The following VWF variants were observed in gnomAD, a reference collection of about 807,000 sequenced individuals.
VWF encodes von Willebrand factor.
A neutral mutation model predicts 308.6 loss-of-function variants in VWF; 176 were observed. That is an observed-to-expected ratio of 0.57 (90% CI 0.50 to 0.65). The LOEUF (loss-of-function observed/expected upper bound fraction) is 0.65, where lower values mean the gene tolerates loss of function less well. Among genes scored for constraint, VWF ranks in the 30% least tolerant of loss-of-function variants. The pLI is 0.00. For missense variants in VWF, 3,146 were observed against 3,648.2 expected (o/e 0.86, Z 3.55); for synonymous variants, 1,385 against 1,443.4 (o/e 0.96, Z 0.92).
intron 45 of VWF, 106 bp downstream of exon 45, chr12:5,969,105 C>T (rs1017306787): frequency 2.3e-6 from 3 of 1,307,430 alleles, no homozygotes; most frequent in African/African-American, 1.5e-5. Flanking sequence ...CGGTCCTATC[C>T]ATTTCCCTAA....
chr12:6,068,976 C>A (rs940480386), intron 10 of VWF, among the ~76,000 whole-genome samples: 1 of 151,816 alleles, frequency 6.6e-6, no homozygotes, highest in Admixed American at 6.6e-5. Context: ...CCCATCTCAG[C>A]CTCCCAAGTA....
At chr12:6,029,645 GC>G (rs1944236195) in intron 21 of VWF, among the ~76,000 whole-genome samples, 157 bp from the exon 22 acceptor site, 1 of 152,082 alleles carries the variant, frequency 6.6e-6, no homozygotes, top group African/African-American at 2.4e-5. Flanking sequence ...CCCCTGCAGG[GC>G]CAGCCCCACG....
chr12:6,051,534 TA>T (rs1944512267), intron 16 of VWF, among the ~76,000 whole-genome samples: 3 of 152,088 alleles, frequency 2.0e-5, no homozygotes, highest in Admixed American at 1.3e-4. Context: ...TCGGCCTCCC[TA>T]AGTGTTGGGA....
rs760760518 is a variant in VWF, at chr12:6,095,582, T to C, written c.535A>G (p.Thr179Ala). 10 of 1,614,152 alleles carry C rather than the reference T, an allele frequency of 6.2e-6. No homozygotes were observed. Among genetic ancestry groups the C allele is most frequent in the Non-Finnish European group, 8.5e-6 (10 of 1,180,016 alleles). The part of the protein sequence containing the change: ...AEDDFMTQEG[T>A]LTSDPYDFAN... ...AAGTCATAAGGGTCCGAGGTCAAGG[T>C]CCCTGTGGAGGAAAGTTTCAGGAAA... Residue 179 changes from threonine (T) to alanine (A), a missense_variant and splice_region_variant, in exon 6 of 52, where the codon ACC becomes GCC. This residue lies in a region of VWF where 1,304 missense variants were observed against 1,353.0 expected (regional missense o/e 0.96). Transcript: ENST00000261405.
rs1213673587 is a variant in VWF at position 6,016,622 on chromosome 12, A to G, written c.5205T>C (p.Tyr1735=). ...PRLTQVSVLQ[Y]GSITTIDVPW... ...GCACGTCAATGGTGGTGATGCTTCC[A>G]TACTGCAGCACTGACACCTGAGTGA... is the stretch of plus-strand genomic sequence containing the variant. The change falls in exon 30 of 52, where the codon TAT becomes TAC. Residue 1735 remains tyrosine (Y), a synonymous_variant. Transcript: ENST00000261405. 1.2e-6 allele frequency: 2 copies of G among 1,614,102 alleles called. No individual in the cohort carries two copies. Among genetic ancestry groups the G allele is most frequent in the Admixed American group, 1.7e-5 (1 of 60,008 alleles).
chr12:5,960,055 A>G (rs1943295379), intron 47 of VWF, among the ~76,000 whole-genome samples: 1 of 147,914 alleles, frequency 6.8e-6, no homozygotes. Flanking sequence ...GATTAATAAT[A>G]TAATAATATA....
chr12:5,993,900 T>C lies in VWF; in HGVS notation c.6560A>G (p.Asn2187Ser). 6.2e-7 allele frequency: 1 copy of C among 1,613,744 alleles called. No homozygotes were observed. Among genetic ancestry groups the C allele is most frequent in the African/African-American group, 1.3e-5 (1 of 74,964 alleles). ...TGTCCTCCAGTCAACGCAGACCCCG[T>C]TGGTCCGACAGAGGTGGGCATAAGA... The part of the protein sequence containing the change: ...IASYAHLCRT[N>S]GVCVDWRTPD... The change falls in exon 37 of 52, where the codon AAC (asparagine) becomes AGC (serine). Residue 2187 changes from asparagine (N) to serine (S), a missense_variant. Transcript: ENST00000261405.
At chr12:6,117,773 C>A (rs978231220) in intron 3 of VWF, among the ~76,000 whole-genome samples, 2 of 152,198 alleles carry the variant, frequency 1.3e-5, no homozygotes, top group African/African-American at 4.8e-5. Context: ...CGAGATCGCA[C>A]CACTGCAATC....
intron 43 of VWF, among the ~76,000 whole-genome samples, chr12:5,975,504 G>C (rs994708606): frequency 1.3e-5 from 2 of 152,124 alleles, no homozygotes; most frequent in East Asian, 1.9e-4. Flanking sequence ...CAGCCACCAC[G>C]AACTGGATTT....
chr12:5,956,420 G>A (rs900822538), intron 47 of VWF, among the ~76,000 whole-genome samples: 1 of 152,172 alleles, frequency 6.6e-6, no homozygotes, highest in Admixed American at 6.5e-5. Flanking sequence ...TGTGGAGGCA[G>A]AAGACTGATA....
At chr12:6,044,726 C>CTA (rs1944430665) in intron 17 of VWF, among the ~76,000 whole-genome samples, 1 of 152,174 alleles carries the variant, frequency 6.6e-6, no homozygotes, top group Non-Finnish European at 1.5e-5. Flanking sequence ...CTTAACCTTG[C>CTA]TATAGCAGGT....
rs1005761189 is a variant in VWF, at chr12:6,067,928, GT to G, written c.1157-2656del. Among the ~76,000 whole-genome samples the G allele has an allele frequency of 8.5e-5, 13 of 152,248 alleles. No homozygotes were observed. In the East Asian group the frequency reaches 2.3e-3, roughly 27 times the overall value. ...ACAGGCGGAGCACCCAAGGTCAGGAGTTCGAGACCAGCCTGGCCAACATGGT... is the reference window on the plus strand; with the variant it reads ...ACAGGCGGAGCACCCAAGGTCAGGAGTCGAGACCAGCCTGGCCAACATGGT... On this transcript the variant is annotated intron_variant, in intron 10 of 51. Transcript: ENST00000261405.
Position 6,020,806 on chromosome 12 carries a change from G to A in VWF, c.3675-1063C>T, listed in dbSNP as rs951145763. 1.3e-5 allele frequency among the ~76,000 whole-genome samples: 2 copies of A among 152,222 alleles called. No homozygotes were observed. The highest frequency in any genetic ancestry group is 4.8e-5 in the African/African-American group (2 of 41,444). On this transcript the variant is annotated intron_variant, in intron 27 of 51. Transcript: ENST00000261405. This position sits in a 1 kb window ranked among gnomAD's most constrained non-coding sequence, Gnocchi z 4.3. Reference sequence around the variant, plus strand: ...CAGGTGATGCCACCAGCCTGCTGTGGGACTTCTGTCCACACACTGCTTGCA... The same window carrying A: ...CAGGTGATGCCACCAGCCTGCTGTGAGACTTCTGTCCACACACTGCTTGCA...
intron 13 of VWF, among the ~76,000 whole-genome samples, chr12:6,062,438 A>T (rs989200931): frequency 6.5e-5 from 8 of 123,178 alleles, no homozygotes; most frequent in African/African-American, 3.3e-4. Flanking sequence ...GAAACAGTGA[A>T]AAGTATGGAT....
intron 5 of VWF, among the ~76,000 whole-genome samples, chr12:6,104,674 G>A (rs111443469): frequency 0.081 from 12,339 of 151,642 alleles, 930 homozygotes; most frequent in African/African-American, 0.21. Flanking sequence ...TCCAGCCTGG[G>A]CAACAGAGTG....
rs146468788 is a variant in VWF, at chr12:6,052,593, G to A, written c.2136C>T (p.Asp712=). The A allele has an allele frequency of 3.8e-5, 62 of 1,614,110 alleles. No homozygotes were observed. Among genetic ancestry groups the A allele is most frequent in the African/African-American group, 2.0e-4 (15 of 74,934 alleles). ...VPKAQCPCYY[D]GEIFQPEDIF... ...TGTCTTCTGGCTGGAAGATCTCACC[G>A]TCATAGTAACAGGGGCACTGGGCCT... Residue 712 remains aspartate, a synonymous_variant, in exon 16 of 52, where the codon GAC becomes GAT. Transcript: ENST00000261405.
intron 10 of VWF, 92 bp downstream of exon 10, chr12:6,071,205 C>G (rs1944776370): frequency 1.3e-6 from 2 of 1,505,578 alleles, no homozygotes; most frequent in African/African-American, 1.4e-5. Context: ...TTCTCGCTGC[C>G]TTGAGTTGTG....
At chr12:5,968,894 CTGTT>C (rs1396190349) in intron 45 of VWF, among the ~76,000 whole-genome samples, 4 of 152,144 alleles carry the variant, frequency 2.6e-5, no homozygotes, top group Non-Finnish European at 5.9e-5. Context: ...TGCCATTTTT[CTGTT>C]TGTTGGCAGC....
chr12:6,021,550 T>C lies in VWF; in HGVS notation c.3674+350A>G, dbSNP rs1944128978. The C allele has an allele frequency of 7.4e-5, 20 of 271,810 alleles. No homozygotes were observed. In the South Asian group the frequency reaches 8.1e-4, roughly 11 times the overall value. The allele number at this position is 271,810 out of a possible 1,614,324, so 16.8% of individuals were successfully genotyped here. A position where few individuals can be genotyped will look rare whatever the true frequency, so the allele number is the denominator to read the frequency against. ...CCCACCTCCAGTATATGGACACCTG[T>C]GCTCAGACTAGTCATGACCTACAAG... On this transcript the variant is annotated intron_variant, in intron 27 of 51. Coordinates refer to ENST00000261405, the MANE Select transcript of VWF (RefSeq NM_000552.5).
Sources: allele counts gnomAD v4.1 joint callset (sites outside exome capture counted in the v4.1 genomes callset), GRCh38; gene constraint gnomAD v4.1.1; regional missense constraint gnomAD v4.1.1; non-coding constraint Gnocchi (gnomAD v3.1); transcripts MANE v1.5; gene names NCBI Gene and HGNC (gene_info 2026-07-23, HGNC 2026-07-21).